Variants in ACAP2 observed in about 807,000 individuals in gnomAD.
ACAP2 encodes the protein ArfGAP with coiled-coil, ankyrin repeat and PH domains 2.
A neutral mutation model predicts 115.8 loss-of-function variants in ACAP2; 39 were observed. The observed-to-expected ratio is 0.34, with a 90% confidence interval of 0.26 to 0.44. The LOEUF (loss-of-function observed/expected upper bound fraction) is 0.44, where lower values mean the gene tolerates loss of function less well. ACAP2 is among the 20% of genes least tolerant of loss of function. ACAP2 has a pLI of 1.00. For synonymous variants in ACAP2, 289 were observed against 315.8 expected (o/e 0.92, Z 0.90); for missense variants, 662 against 927.6 (o/e 0.71, Z 3.72).
At chr3:195,284,708 A>G (rs1037087544) in intron 22 of ACAP2, among the ~76,000 whole-genome samples, 6 of 152,254 alleles carry the variant, frequency 3.9e-5, no homozygotes, top group African/African-American at 1.4e-4. Flanking sequence ...AAGAGATGAT[A>G]TTACCAGGTC....
intron 1 of ACAP2, among the ~76,000 whole-genome samples, chr3:195,413,164 CTT>C (rs957839643): frequency 2.0e-5 from 3 of 152,090 alleles, no homozygotes; most frequent in African/African-American, 7.2e-5. Flanking sequence ...GGTTGAAAGT[CTT>C]TGCTTATTTA....
chr3:195,377,599 A>C (rs1733641762), intron 4 of ACAP2, among the ~76,000 whole-genome samples: 2 of 152,232 alleles, frequency 1.3e-5, no homozygotes, highest in Non-Finnish European at 2.9e-5. Flanking sequence ...TGAGGGAAGA[A>C]CTTTTGCCAC....
At chr3:195,416,326 C>CA (rs1231999513) in intron 1 of ACAP2, among the ~76,000 whole-genome samples, 1 of 147,918 alleles carries the variant, frequency 6.8e-6, no homozygotes, top group Non-Finnish European at 1.5e-5. Context: ...GGCCTGGTGA[C>CA]AGAGCAAGAC....
rs75945777 is a variant in ACAP2 at position 195,351,129 on chromosome 3, T to TTTTTG, written c.286-5813_286-5812insCAAAA. Among the ~76,000 whole-genome samples the TTTTTG allele has an allele frequency of 4.0e-3, 523 of 131,798 alleles. 6 individuals are homozygous for TTTTTG. The highest frequency in any genetic ancestry group is 0.014 in the African/African-American group (457 of 32,362). The allele number at this position is 131,798 out of a possible 152,430, so 86.5% of individuals were successfully genotyped here. ...ATGAAGATAAATCCTTTTTTTTTTT[T>TTTTTG]GGGCGGGGGACAGGGTCTTGCTCTG... is the stretch of plus-strand genomic sequence containing the variant. On this transcript the variant is annotated intron_variant, in intron 4 of 22. Coordinates refer to ENST00000326793, the MANE Select transcript of ACAP2 (RefSeq NM_012287.6).
At chr3:195,384,560 C>T (rs569022338) in intron 2 of ACAP2, among the ~76,000 whole-genome samples, 4 of 152,062 alleles carry the variant, frequency 2.6e-5, no homozygotes. Context: ...AACCCCACCT[C>T]TACTAAAAAT....
intron 10 of ACAP2, among the ~76,000 whole-genome samples, chr3:195,315,365 T>C (rs777686322): frequency 6.6e-6 from 1 of 152,250 alleles, no homozygotes; most frequent in Non-Finnish European, 1.5e-5. Flanking sequence ...ACTAGTGTTT[T>C]TGGCAAACGT....
chr3:195,410,394 A>T (rs1423703881), intron 1 of ACAP2, among the ~76,000 whole-genome samples: 1 of 152,246 alleles, frequency 6.6e-6, no homozygotes, highest in Non-Finnish European at 1.5e-5. Context: ...AGCACAGGCA[A>T]CAAAAGACAA....
intron 1 of ACAP2, chr3:195,410,725 T>C (rs1713190039): frequency 6.5e-6 from 1 of 154,086 alleles, no homozygotes; most frequent in Non-Finnish European, 1.4e-5. Context: ...GTTTGAATGT[T>C]TGTGTCTCTC....
At chr3:195,304,187 A>C (rs1392279683) in intron 13 of ACAP2, among the ~76,000 whole-genome samples, 2 of 150,420 alleles carry the variant, frequency 1.3e-5, no homozygotes, top group Non-Finnish European at 3.0e-5. Flanking sequence ...AAAAAAAAAA[A>C]AAAAAAAACT....
In ACAP2 at chr3:195,279,438, A is replaced by G; in HGVS notation, c.2237-10T>C. The G allele has an allele frequency of 6.5e-7, 1 of 1,532,052 alleles. No individual in the cohort carries two copies. Among genetic ancestry groups the G allele is most frequent in the Non-Finnish European group, 8.9e-7 (1 of 1,124,758 alleles). The allele number at this position is 1,532,052 out of a possible 1,614,324, so 94.9% of individuals were successfully genotyped here. Reference sequence around the variant, plus strand: ...TGATAAGTTTCATCACCTGCATGAAATAAAATAAAGACACTTTAAACATTT... The same window carrying G: ...TGATAAGTTTCATCACCTGCATGAAGTAAAATAAAGACACTTTAAACATTT... On this transcript the variant is annotated splice_polypyrimidine_tract_variant and intron_variant, in intron 22 of 22. Coordinates refer to ENST00000326793, the MANE Select transcript of ACAP2 (RefSeq NM_012287.6).
At chr3:195,295,626 C>A in intron 17 of ACAP2, 82 bp downstream of exon 17, 1 of 1,462,360 alleles carries the variant, frequency 6.8e-7, no homozygotes, top group Non-Finnish European at 9.4e-7. Flanking sequence ...AAAAAAACGA[C>A]AATGGCTATT....
At chr3:195,333,529 G>A (rs1479609312) in intron 7 of ACAP2, among the ~76,000 whole-genome samples, 1 of 152,048 alleles carries the variant, frequency 6.6e-6, no homozygotes, top group Non-Finnish European at 1.5e-5. Flanking sequence ...ATTAAACTGA[G>A]TCATCTGTTT....
chr3:195,340,775 T>C (rs1215983762), intron 6 of ACAP2, among the ~76,000 whole-genome samples: 2 of 152,152 alleles, frequency 1.3e-5, no homozygotes, highest in Non-Finnish European at 1.5e-5. Context: ...GAGTACCCTG[T>C]AGTGTGGGTA....
Position 195,442,946 on chromosome 3 carries a change from T to A in ACAP2, c.-99A>T. 2 of 1,149,914 alleles carry A rather than the reference T, an allele frequency of 1.7e-6. No homozygotes were observed. The highest frequency in any genetic ancestry group is 2.4e-6 in the Non-Finnish European group (2 of 850,388). The allele number at this position is 1,149,914 out of a possible 1,614,324, so 71.2% of individuals were successfully genotyped here. On this transcript the variant is annotated 5_prime_UTR_variant, in exon 1 of 23. It removes the in-frame stop codon of an upstream open reading frame in the 5' UTR. Coordinates refer to ENST00000326793, the MANE Select transcript of ACAP2 (RefSeq NM_012287.6). Reference sequence around the variant, plus strand: ...GCTACGGCGGGCGCACGGCCGCGACTAGCGTTGCGCGGAGCTGCGAAGGGC... The same window carrying A: ...GCTACGGCGGGCGCACGGCCGCGACAAGCGTTGCGCGGAGCTGCGAAGGGC...
intron 1 of ACAP2, among the ~76,000 whole-genome samples, chr3:195,399,891 T>A (rs1223814644): frequency 6.6e-6 from 1 of 152,076 alleles, no homozygotes; most frequent in Non-Finnish European, 1.5e-5. Context: ...ATTATCCAGA[T>A]AATAGGACCG....
intron 15 of ACAP2, among the ~76,000 whole-genome samples, chr3:195,298,542 G>C (rs1164959392): frequency 6.6e-6 from 1 of 152,070 alleles, no homozygotes; most frequent in African/African-American, 2.4e-5. Context: ...ACAGGCATGA[G>C]CTACCACACC....
chr3:195,279,319 TA>T lies in ACAP2; in HGVS notation c.*8del, dbSNP rs775047492. On this transcript the variant is annotated 3_prime_UTR_variant, in exon 23 of 23. Transcript: ENST00000326793. Reference sequence around the variant, plus strand: ...ACCAGATTTCATATTTTCCCATTTTTAAAAAAATTCAGAATTTCTGTGAATC... The same window carrying T: ...ACCAGATTTCATATTTTCCCATTTTTAAAAAATTCAGAATTTCTGTGAATC... 3 of 1,578,608 alleles carry T rather than the reference TA, an allele frequency of 1.9e-6. No individual in the cohort carries two copies. The highest frequency in any genetic ancestry group is 1.8e-5 in the Admixed American group (1 of 55,438).
intron 4 of ACAP2, among the ~76,000 whole-genome samples, chr3:195,375,820 C>G (rs1450152708): frequency 2.0e-5 from 3 of 150,922 alleles, no homozygotes; most frequent in Non-Finnish European, 2.9e-5. Context: ...AAATGATAGA[C>G]AGACAACAAA....
At chr3:195,297,318 A>G in intron 15 of ACAP2, 37 bp from the exon 16 acceptor site, 2 of 1,559,120 alleles carry the variant, frequency 1.3e-6, no homozygotes, top group South Asian at 1.2e-5. Context: ...TAAGCTATAC[A>G]TTAAAGACCT....
Sources: gnomAD v4.1 joint callset for allele counts (sites outside exome capture counted in the v4.1 genomes callset) on GRCh38, gnomAD v4.1.1 for gene constraint, MANE v1.5 for transcripts, NCBI Gene and HGNC (gene_info 2026-07-23, HGNC 2026-07-21) for gene names.